B4GALNT3: variants seen among roughly 807,000 people sequenced by gnomAD.
B4GALNT3 encodes beta-1,4-N-acetyl-galactosaminyltransferase 3.
A neutral mutation model predicts 120.2 loss-of-function variants in B4GALNT3; 86 were observed. The observed-to-expected ratio is 0.72, with a 90% CI of 0.60 to 0.86. B4GALNT3 has a LOEUF of 0.86. B4GALNT3 is among the 40% of genes least tolerant of loss of function. B4GALNT3 has a pLI of 0.00. For missense variants in B4GALNT3, 1,167 were observed against 1,298.9 expected (o/e 0.90, Z 1.56); for synonymous variants, 518 against 510.4 (o/e 1.01, Z -0.20).
chr12:511,488 A>ACCTTCTTCCC (rs1946559283), intron 1 of B4GALNT3, among the ~76,000 whole-genome samples: 1 of 48,502 alleles, frequency 2.1e-5, no homozygotes, highest in Admixed American at 2.4e-4. Context: ...ACCTTCTTCC[A>ACCTTCTTCCC]CCTTCCACCT....
chr12:514,507 A>G lies in B4GALNT3; in HGVS notation c.170-20659A>G, dbSNP rs1047353316. Among the ~76,000 whole-genome samples the G allele has an allele frequency of 2.6e-5, 4 of 151,730 alleles. No individual in the cohort carries two copies. In the South Asian group the frequency reaches 8.3e-4, roughly 32 times the overall value. On this transcript the variant is annotated intron_variant, in intron 1 of 19. Coordinates refer to ENST00000266383, the MANE Select transcript of B4GALNT3 (RefSeq NM_173593.4). The stretch of plus-strand genomic sequence containing the variant: ...CCACCACGCCCAGCCTATTTTTTTT[A>G]AATAAAAGACTAATAAATTCTATTA...
At chr12:496,725 C>T (rs1946392372) in intron 1 of B4GALNT3, among the ~76,000 whole-genome samples, 1 of 152,060 alleles carries the variant, frequency 6.6e-6, no homozygotes, top group African/African-American at 2.4e-5. Flanking sequence ...TGCCCATGCG[C>T]GTTAAGCAGT....
intron 6 of B4GALNT3, among the ~76,000 whole-genome samples, chr12:546,433 G>A (rs1479696562): frequency 2.0e-5 from 3 of 152,046 alleles, no homozygotes; most frequent in Non-Finnish European, 4.4e-5. Context: ...CGGCTGCTCC[G>A]GGCTCCTGGC....
intron 1 of B4GALNT3, among the ~76,000 whole-genome samples, chr12:472,477 C>G (rs1160824137): frequency 1.4e-5 from 2 of 138,048 alleles, no homozygotes; most frequent in Non-Finnish European, 3.1e-5. Flanking sequence ...GAGACGGAGT[C>G]TCGCTCTTTC....
At chr12:507,682 G>A (rs988785609) in intron 1 of B4GALNT3, among the ~76,000 whole-genome samples, 2 of 152,224 alleles carry the variant, frequency 1.3e-5, no homozygotes, top group East Asian at 1.9e-4. Flanking sequence ...TCTCACAAAA[G>A]GGTAGGGCTT....
chr12:534,848 T>C (rs1194407330), intron 1 of B4GALNT3, among the ~76,000 whole-genome samples: 1 of 152,182 alleles, frequency 6.6e-6, no homozygotes, highest in Non-Finnish European at 1.5e-5. Context: ...TCGGGATAAA[T>C]TGGCCTCCAG....
chr12:551,941 G>A (rs1565610163), intron 11 of B4GALNT3, 122 bp from the exon 12 acceptor site: 3 of 756,966 alleles, frequency 4.0e-6, no homozygotes, highest in South Asian at 3.0e-5. Context: ...TTCTCTCCCT[G>A]CCAAGGGCGG....
rs575077452 is a variant in B4GALNT3, at chr12:546,798, C to G, written c.707+85C>G. 7 of 1,347,602 alleles carry G rather than the reference C, an allele frequency of 5.2e-6. No individual in the cohort carries two copies. The East Asian group carries it at 1.3e-4, about 24-fold the overall frequency. 83.5% of individuals were successfully genotyped at this position (1,347,602 alleles called of 1,614,324 possible). A position where few individuals can be genotyped will look rare whatever the true frequency, so the allele number is the denominator to read the frequency against. On this transcript the variant is annotated intron_variant, in intron 7 of 19. Transcript: ENST00000266383. Reference sequence around the variant, plus strand: ...CGCCCCTGTCCGCCAGCCCAGCTGCCGACTCCAGAGCTTCCGTGTGTCCGG... The same window carrying G: ...CGCCCCTGTCCGCCAGCCCAGCTGCGGACTCCAGAGCTTCCGTGTGTCCGG...
intron 1 of B4GALNT3, among the ~76,000 whole-genome samples, chr12:475,854 T>C (rs1946179668): frequency 6.6e-6 from 1 of 152,164 alleles, no homozygotes. Context: ...GACAGTTTGC[T>C]TCACTCTCCC....
chr12:543,151 G>A, intron 3 of B4GALNT3: 1 of 1,289,614 alleles, frequency 7.8e-7, no homozygotes, highest in South Asian at 1.2e-5. Flanking sequence ...GTGTGTGCAT[G>A]GCCAGAGCAG....
chr12:497,768 A>C (rs1025317967), intron 1 of B4GALNT3, among the ~76,000 whole-genome samples: 4 of 151,966 alleles, frequency 2.6e-5, no homozygotes, highest in Non-Finnish European at 5.9e-5. Flanking sequence ...CTAAGTCAGG[A>C]GGTAGTCATT....
At chr12:508,948 C>T (rs1392396590) in intron 1 of B4GALNT3, among the ~76,000 whole-genome samples, 4 of 152,224 alleles carry the variant, frequency 2.6e-5, no homozygotes, top group African/African-American at 4.8e-5. Flanking sequence ...GCGTGTGACT[C>T]ATGCCTGGAC....
intron 1 of B4GALNT3, among the ~76,000 whole-genome samples, chr12:472,934 T>C (rs1288079292): frequency 1.3e-5 from 2 of 152,064 alleles, no homozygotes; most frequent in Non-Finnish European, 2.9e-5. Context: ...GGGAGTGTTT[T>C]CTTTTTTTCA....
At position 478,652 on chromosome 12, in the gene B4GALNT3, A is replaced by G. The variant is rs564069538; in HGVS notation, c.169+18107A>G. Among the ~76,000 whole-genome samples, 2 of 152,354 alleles carry G rather than the reference A, an allele frequency of 1.3e-5. 1 individual carries two copies. The highest frequency in any genetic ancestry group is 4.1e-4 in the South Asian group (2 of 4,824). ...CAACAGGAAAAAAAATCCTTAAGAA[A>G]GGGTTTTTCTATCTTTTTCTGATCC... On this transcript the variant is annotated intron_variant, in intron 1 of 19. Coordinates refer to ENST00000266383, the MANE Select transcript of B4GALNT3 (RefSeq NM_173593.4).
intron 3 of B4GALNT3, among the ~76,000 whole-genome samples, chr12:538,676 A>G (rs1398623365): frequency 6.6e-6 from 1 of 152,072 alleles, no homozygotes; most frequent in Non-Finnish European, 1.5e-5. Context: ...CAAAATATTC[A>G]TTACAGTCTT....
At chr12:529,104 C>T (rs1176736192) in intron 1 of B4GALNT3, among the ~76,000 whole-genome samples, 7 of 152,280 alleles carry the variant, frequency 4.6e-5, no homozygotes, top group Middle Eastern at 6.8e-3. Flanking sequence ...TGGTAGGGCC[C>T]GTCCTTCCCC....
At chr12:532,689 G>T (rs2120655363) in intron 1 of B4GALNT3, among the ~76,000 whole-genome samples, 1 of 152,310 alleles carries the variant, frequency 6.6e-6, no homozygotes, top group South Asian at 2.1e-4. Flanking sequence ...AAGAATTCTT[G>T]CTGAAAACTG....
In B4GALNT3 at chr12:460,523, C is replaced by T. The variant is rs1240051072; in HGVS notation, c.147C>T (p.Val49=). Residue 49 remains valine (V), a synonymous_variant, in exon 1 of 20, where the codon GTC becomes GTT. Transcript: ENST00000266383. The surrounding 1 kb of genome is among the most constrained non-coding windows in gnomAD (Gnocchi z 8.0). ...TGGAACTGGTGGCGTCGGCCCAGGT[C>T]GGCGGGAACCCCCTGAACCGGAGTA... The part of the protein sequence containing the change: ...LYLELVASAQ[V]GGNPLNRRYG... 1.9e-6 allele frequency: 3 copies of T among 1,549,214 alleles called. No homozygotes were observed. Among genetic ancestry groups the T allele is most frequent in the Non-Finnish European group, 2.6e-6 (3 of 1,145,540 alleles).
intron 11 of B4GALNT3, 115 bp downstream of exon 11, chr12:551,146 A>T: frequency 1.1e-6 from 1 of 893,456 alleles, no homozygotes; most frequent in Non-Finnish European, 1.7e-6. Flanking sequence ...CCATCCCAGC[A>T]GACAGGACGT....
Sources: gnomAD v4.1 joint callset for allele counts (sites outside exome capture counted in the v4.1 genomes callset) on GRCh38, gnomAD v4.1.1 for gene constraint, Gnocchi (gnomAD v3.1) non-coding constraint, MANE v1.5 for transcripts, NCBI Gene and HGNC (gene_info 2026-07-23, HGNC 2026-07-21) for gene names.